LHFPL3: variants seen among roughly 807,000 people sequenced by gnomAD.
The protein encoded by LHFPL3 is LHFPL tetraspan subfamily member 3, also known as LHFPL tetraspan subfamily member 3 protein.
Under a neutral mutation model 19.3 loss-of-function variants are expected in LHFPL3, and 5 were observed. The observed-to-expected ratio is 0.26, with a 90% CI of 0.14 to 0.54. The LOEUF (loss-of-function observed/expected upper bound fraction) is 0.54. Among genes scored for constraint, LHFPL3 ranks in the 20% least tolerant of loss-of-function variants. The probability of loss-of-function intolerance (pLI) is 0.94; values close to 1 mark genes in which losing one functional copy is unlikely to be tolerated. For missense variants in LHFPL3, 249 were observed against 307.4 expected, an observed-to-expected ratio of 0.81 and a Z score of 1.42; for synonymous variants, 133 against 126.2, an observed-to-expected ratio of 1.05 and a Z score of -0.36.
At chr7:104,465,128 A>G (rs1792752648) in intron 1 of LHFPL3, among the ~76,000 whole-genome samples, 1 of 144,422 alleles carries the variant, frequency 6.9e-6, no homozygotes, top group Non-Finnish European at 1.5e-5. Flanking sequence ...CCTTTACTCC[A>G]GCTCCCAAAA....
At chr7:104,394,089 T>G (rs1791134295) in intron 1 of LHFPL3, among the ~76,000 whole-genome samples, 1 of 152,222 alleles carries the variant, frequency 6.6e-6, no homozygotes, top group African/African-American at 2.4e-5. Flanking sequence ...AAGAATGAAT[T>G]GCTTAGTATG....
chr7:104,824,721 T>C (rs1466449982), intron 2 of LHFPL3, among the ~76,000 whole-genome samples: 1 of 97,108 alleles, frequency 1.0e-5, no homozygotes, highest in Non-Finnish European at 1.9e-5. Context: ...TAATTATATA[T>C]ATATTTTTTG....
At chr7:104,355,879 G>T (rs753484174) in intron 1 of LHFPL3, among the ~76,000 whole-genome samples, 1 of 152,134 alleles carries the variant, frequency 6.6e-6, no homozygotes, top group Non-Finnish European at 1.5e-5. Flanking sequence ...ATTAGTTAAT[G>T]TATTTTATGC....
intron 1 of LHFPL3, among the ~76,000 whole-genome samples, chr7:104,333,991 A>G (rs933524284): frequency 7.2e-5 from 11 of 152,236 alleles, no homozygotes; most frequent in African/African-American, 1.4e-4. Flanking sequence ...GCAAATATGC[A>G]TATAATTGTA....
chr7:104,874,547 A>C (rs980090381), intron 2 of LHFPL3, among the ~76,000 whole-genome samples: 2 of 151,986 alleles, frequency 1.3e-5, no homozygotes, highest in Admixed American at 6.6e-5. Context: ...GGCATGCATC[A>C]CCACACCCGG....
chr7:104,824,444 A>ATATATAAT (rs1205233022), intron 2 of LHFPL3, among the ~76,000 whole-genome samples: 1 of 57,422 alleles, frequency 1.7e-5, no homozygotes, highest in Non-Finnish European at 2.9e-5. Context: ...ATTATAGATA[A>ATATATAAT]TATATAATTA....
At chr7:104,470,364 T>G (rs1792883303) in intron 1 of LHFPL3, among the ~76,000 whole-genome samples, 1 of 152,238 alleles carries the variant, frequency 6.6e-6, no homozygotes, top group Non-Finnish European at 1.5e-5. Flanking sequence ...TAACTGCTCA[T>G]TCTTTGCAAG....
intron 1 of LHFPL3, chr7:104,667,756 C>G: frequency 6.3e-7 from 1 of 1,586,076 alleles, no homozygotes. Flanking sequence ...AACATGGCGG[C>G]CTCAGCAAAA....
chr7:104,486,373 A>G (rs1259522821), intron 1 of LHFPL3, among the ~76,000 whole-genome samples: 2 of 152,192 alleles, frequency 1.3e-5, no homozygotes, highest in African/African-American at 4.8e-5. Context: ...CAGAAATACT[A>G]TAAACTAGAT....
intron 1 of LHFPL3, among the ~76,000 whole-genome samples, chr7:104,366,424 C>A (rs1790497294): frequency 6.6e-6 from 1 of 152,136 alleles, no homozygotes; most frequent in African/African-American, 2.4e-5. Context: ...TAAATCCCTG[C>A]TGAAATAAAT....
intron 2 of LHFPL3, among the ~76,000 whole-genome samples, chr7:104,742,535 C>T (rs1024064594): frequency 3.9e-5 from 6 of 152,216 alleles, no homozygotes; most frequent in Admixed American, 1.3e-4. Flanking sequence ...CTGGGAGTGG[C>T]GGTGTGGTGT....
chr7:104,863,414 G>GT (rs1045771338), intron 2 of LHFPL3, among the ~76,000 whole-genome samples: 9 of 152,222 alleles, frequency 5.9e-5, no homozygotes, highest in Admixed American at 2.0e-4. Flanking sequence ...AAGCCTCTGG[G>GT]TTTTTTTCCC....
At chr7:104,706,750 T>G (rs1024974044) in intron 1 of LHFPL3, among the ~76,000 whole-genome samples, 1 of 152,186 alleles carries the variant, frequency 6.6e-6, no homozygotes, top group African/African-American at 2.4e-5. Flanking sequence ...TATTAGCCCT[T>G]ATATGGGAAA....
chr7:104,329,099 C>A lies in LHFPL3; in HGVS notation c.320C>A (p.Ala107Asp). The A allele has an allele frequency of 1.9e-6, 3 of 1,614,086 alleles. No homozygotes were observed. Among genetic ancestry groups the A allele is most frequent in the Non-Finnish European group, 2.5e-6 (3 of 1,179,912 alleles). ...FSTLPSGAFKAASFFIGLSMM... is the reference protein window; with the variant it reads ...FSTLPSGAFKDASFFIGLSMM... ...ACGCTGCCCTCGGGCGCCTTCAAAG[C>A]CGCCTCCTTCTTTATCGGCCTCTCC... Residue 107 changes from alanine to aspartate, a missense_variant, in exon 1 of 3, where the codon GCC becomes GAC. Ala to Asp is a moderately radical substitution (Grantham distance 126, BLOSUM62 -2). Transcript: ENST00000424859.
chr7:104,396,685 A>C (rs1791194487), intron 1 of LHFPL3, among the ~76,000 whole-genome samples: 1 of 151,342 alleles, frequency 6.6e-6, no homozygotes, highest in African/African-American at 2.4e-5. Flanking sequence ...GGGCAGGCGC[A>C]GTGGCTCATG....
intron 1 of LHFPL3, among the ~76,000 whole-genome samples, chr7:104,686,597 G>T (rs574362384): frequency 6.6e-6 from 1 of 152,032 alleles, no homozygotes; most frequent in African/African-American, 2.4e-5. Flanking sequence ...CAATTCTGAC[G>T]CTGTCTACCT....
At position 104,907,877 on chromosome 7, in the gene LHFPL3, A is replaced by G. The variant is rs1792650905; in HGVS notation, c.*1662A>G. ...TGTTTCAAATGGCTAAAAGCATATT[A>G]TGGGTATGCTCAAAGGAGTAAAACC... On this transcript the variant is annotated 3_prime_UTR_variant, in exon 3 of 3. Coordinates refer to ENST00000424859, the MANE Select transcript of LHFPL3 (RefSeq NM_199000.3). Among the ~76,000 whole-genome samples the G allele has an allele frequency of 6.6e-6, 1 of 152,216 alleles. No individual in the cohort carries two copies. The highest frequency in any genetic ancestry group is 2.1e-4 in the South Asian group (1 of 4,832).
At chr7:104,896,382 G>T (rs1792361471) in intron 2 of LHFPL3, among the ~76,000 whole-genome samples, 2 of 152,162 alleles carry the variant, frequency 1.3e-5, no homozygotes, top group Admixed American at 6.6e-5. Context: ...GCTAAGCAGG[G>T]TCAGGCCCAG....
At chr7:104,380,774 TA>T (rs1051123253) in intron 1 of LHFPL3, among the ~76,000 whole-genome samples, 40 of 152,232 alleles carry the variant, frequency 2.6e-4, no homozygotes, top group African/African-American at 9.4e-4. Flanking sequence ...TGGAAGGACT[TA>T]AAAATATGTC....
Sources: gnomAD v4.1 joint callset for allele counts (sites outside exome capture counted in the v4.1 genomes callset) on GRCh38, gnomAD v4.1.1 for gene constraint, MANE v1.5 for transcripts, NCBI Gene and HGNC (gene_info 2026-07-23, HGNC 2026-07-21) for gene names.